The following CCDC93 variants were observed in gnomAD, a reference collection of about 807,000 sequenced individuals.
CCDC93 encodes the protein CCC complex scaffolding subunit CCDC93.
CCDC93 carries 61 observed loss-of-function variants against 108.2 expected under a neutral mutation model. The ratio of observed to expected loss-of-function variants is 0.56; its 90% CI spans 0.46 to 0.70. The LOEUF (loss-of-function observed/expected upper bound fraction) is 0.70, where lower values mean the gene tolerates loss of function less well. Ranked by LOEUF, CCDC93 falls within the 30% of genes least tolerant of loss-of-function variation. The pLI, the probability that CCDC93 is intolerant of heterozygous loss-of-function variation, is 0.00. For synonymous variants in CCDC93, 276 were observed against 260.4 expected (o/e 1.06, Z -0.58); for missense variants, 685 against 764.2 (o/e 0.90, Z 1.22).
At chr2:117,970,072 C>G (rs769134909) in intron 11 of CCDC93, among the ~76,000 whole-genome samples, 3 of 152,182 alleles carry the variant, frequency 2.0e-5, no homozygotes, top group African/African-American at 7.2e-5. Flanking sequence ...ATTGAACAAA[C>G]TAGGTCTTTG....
At position 117,956,700 on chromosome 2, in the gene CCDC93, T is replaced by C. The variant is rs1231821623; in HGVS notation, c.1005+1665A>G. On this transcript the variant is annotated intron_variant, in intron 12 of 23. Coordinates refer to ENST00000376300, the MANE Select transcript of CCDC93 (RefSeq NM_019044.5). ...TGAACAGAAACCAAATCATAGGCTA[T>C]CTTTTCATCCTTCTTTGATCCAGAG... 3.3e-5 allele frequency among the ~76,000 whole-genome samples: 5 copies of C among 152,180 alleles called. No homozygotes were observed. In the East Asian group the frequency reaches 9.6e-4, roughly 29 times the overall value.
intron 23 of CCDC93, among the ~76,000 whole-genome samples, chr2:117,922,008 C>T (rs1347023938): frequency 6.6e-6 from 1 of 151,802 alleles, no homozygotes. Context: ...AAAAAAGACT[C>T]CAGCTTAAAA....
chr2:117,992,496 G>A (rs1158190798), intron 6 of CCDC93, among the ~76,000 whole-genome samples: 3 of 151,988 alleles, frequency 2.0e-5, no homozygotes, highest in African/African-American at 7.3e-5. Flanking sequence ...TGCCCACCTC[G>A]GCCTCCCAAA....
At position 117,945,528 on chromosome 2, in the gene CCDC93, C is replaced by G; in HGVS notation, c.1350+1G>C. 1.2e-6 allele frequency: 2 copies of G among 1,613,544 alleles called. No individual in the cohort carries two copies. Among genetic ancestry groups the G allele is most frequent in the Non-Finnish European group, 1.7e-6 (2 of 1,179,520 alleles). ...CCAGTCCTGAGCAGGCAGGTACTTA[C>G]GTCATGAGTCATTGCAGAGGTCAAG... On this transcript the variant is annotated splice_donor_variant, in intron 17 of 23. Coordinates refer to ENST00000376300, the MANE Select transcript of CCDC93 (RefSeq NM_019044.5). LOFTEE classifies it high-confidence loss of function.
At chr2:118,008,019 T>C (rs1337562155) in intron 2 of CCDC93, among the ~76,000 whole-genome samples, 3 of 152,212 alleles carry the variant, frequency 2.0e-5, no homozygotes, top group African/African-American at 7.2e-5. Context: ...TCTACAGAAA[T>C]TGGGCTCTTT....
intron 6 of CCDC93, among the ~76,000 whole-genome samples, chr2:117,989,603 G>A (rs1212271481): frequency 6.6e-6 from 1 of 152,164 alleles, no homozygotes; most frequent in Admixed American, 6.6e-5. Context: ...AATACATGGA[G>A]TCAAACAAGC....
chr2:117,979,420 C>T lies in CCDC93; in HGVS notation c.621-1390G>A, dbSNP rs547493943. Among the ~76,000 whole-genome samples, 9 of 152,330 alleles carry T rather than the reference C, an allele frequency of 5.9e-5. No homozygotes were observed. The South Asian group carries it at 1.9e-3, about 32-fold the overall frequency. ...GTGAAGCATCCCCCATGCACATGTG[C>T]TCAGCCTGGCCTATCCATCCCTGCA... On this transcript the variant is annotated intron_variant, in intron 7 of 23. Transcript: ENST00000376300.
At chr2:117,996,801 C>T (rs976176634) in intron 4 of CCDC93, 5 of 156,190 alleles carry the variant, frequency 3.2e-5, no homozygotes, top group Middle Eastern at 3.1e-3. Flanking sequence ...GTGCTCCTTA[C>T]ACGACAGACC....
In CCDC93 at chr2:117,939,161, C is replaced by T. The variant is rs1043112343; in HGVS notation, c.1523-50G>A. 5 of 1,070,704 alleles carry T rather than the reference C, an allele frequency of 4.7e-6. No individual in the cohort carries two copies. In the African/African-American group the frequency reaches 6.3e-5, roughly 13 times the overall value. 66.3% of individuals were successfully genotyped at this position (1,070,704 alleles called of 1,614,324 possible). A position where few individuals can be genotyped will look rare whatever the true frequency, so the allele number is the denominator to read the frequency against. ...ACGAATAAGAACAGGTATCAGAACACCCTACCTGCCCCTCTCCTCCATGAA... is the reference window on the plus strand; with the variant it reads ...ACGAATAAGAACAGGTATCAGAACATCCTACCTGCCCCTCTCCTCCATGAA... On this transcript the variant is annotated intron_variant, in intron 19 of 23. Transcript: ENST00000376300.
At chr2:117,950,310 G>GT (rs2104743227) in intron 13 of CCDC93, 1 of 985,098 alleles carries the variant, frequency 1.0e-6, no homozygotes, top group African/African-American at 1.7e-5. Context: ...TAGTTACAGA[G>GT]CAAGCAAAAC....
rs763811529 is a variant in CCDC93 at position 117,947,693 on chromosome 2, CTTTT to C, written c.1224+408_1224+411del. On this transcript the variant is annotated intron_variant, in intron 15 of 23. Transcript: ENST00000376300. ...GACAAATAACTGCTGGATGAATCTGCTTTTTTTTTTTTTTTTTTGAGATGGAGTC... is the reference window on the plus strand; with the variant it reads ...GACAAATAACTGCTGGATGAATCTGCTTTTTTTTTTTTTTGAGATGGAGTC... 9.0e-5 allele frequency among the ~76,000 whole-genome samples: 11 copies of C among 121,962 alleles called. No individual in the cohort carries two copies. In the South Asian group the frequency reaches 2.5e-3, roughly 27 times the overall value. The allele number at this position is 121,962 out of a possible 152,430, so 80.0% of individuals were successfully genotyped here.
intron 6 of CCDC93, among the ~76,000 whole-genome samples, chr2:117,993,163 G>T (rs555172098): frequency 6.6e-6 from 1 of 152,142 alleles, no homozygotes; most frequent in Non-Finnish European, 1.5e-5. Flanking sequence ...TTGGGAGGCC[G>T]AGGTGGGCGG....
intron 6 of CCDC93, among the ~76,000 whole-genome samples, chr2:117,993,237 A>T (rs1450524262): frequency 1.3e-5 from 2 of 152,022 alleles, no homozygotes; most frequent in South Asian, 4.2e-4. Flanking sequence ...TCTACTAAAA[A>T]AACAAAAAGT....
At position 117,939,047 on chromosome 2, in the gene CCDC93, C is replaced by T; in HGVS notation, c.1587G>A (p.Lys529=). 2.5e-6 allele frequency: 4 copies of T among 1,594,882 alleles called. No homozygotes were observed. Among genetic ancestry groups the T allele is most frequent in the Non-Finnish European group, 3.4e-6 (4 of 1,163,628 alleles). ...TTCTTACCTCTTTTTCCAAATAAAC[C>T]TTTTTATCATCCAGGGTATTATATA... The part of the protein sequence containing the change: ...FTLYNTLDDK[K]VYLEKEISLL... The change falls in exon 20 of 24, where the codon AAG becomes AAA. Residue 529 remains lysine (K), a synonymous_variant. Coordinates refer to ENST00000376300, the MANE Select transcript of CCDC93 (RefSeq NM_019044.5).
intron 5 of CCDC93, 115 bp downstream of exon 5, chr2:117,996,149 C>G (rs992470213): frequency 2.8e-5 from 17 of 603,448 alleles, no homozygotes; most frequent in African/African-American, 2.6e-4. Flanking sequence ...CTAATGATGC[C>G]AAGTGGGGCT....
intron 23 of CCDC93, among the ~76,000 whole-genome samples, chr2:117,924,732 C>T (rs1422053071): frequency 3.3e-5 from 5 of 152,168 alleles, no homozygotes; most frequent in Admixed American, 2.6e-4. Flanking sequence ...AGAACTTCCT[C>T]AATCTAGCAA....
At chr2:117,974,791 C>G in intron 10 of CCDC93, 59 bp downstream of exon 10, 1 of 1,329,260 alleles carries the variant, frequency 7.5e-7, no homozygotes, top group Non-Finnish European at 1.1e-6. Flanking sequence ...GGGAGAAGAC[C>G]CCAGCAGAGC....
At chr2:117,963,489 T>C (rs1679458603) in intron 11 of CCDC93, among the ~76,000 whole-genome samples, 1 of 152,216 alleles carries the variant, frequency 6.6e-6, no homozygotes, top group Non-Finnish European at 1.5e-5. Context: ...AATCATCCAC[T>C]TTCCCTGATC....
At position 117,920,237 on chromosome 2, in the gene CCDC93, C is replaced by T. The variant is rs17569222; in HGVS notation, c.*106G>A. 45,086 of 696,260 alleles carry T rather than the reference C, an allele frequency of 0.065. 1,802 individuals carry two copies. Among genetic ancestry groups the T allele is most frequent in the Non-Finnish European group, 0.081 (32,718 of 405,238 alleles). 43.1% of individuals were successfully genotyped at this position (696,260 alleles called of 1,614,324 possible). On this transcript the variant is annotated 3_prime_UTR_variant, in exon 24 of 24. Coordinates refer to ENST00000376300, the MANE Select transcript of CCDC93 (RefSeq NM_019044.5). ...AACATCCAGGTTGTTGAAATCATCA[C>T]AACTGCATCTCTCTACTGTCGCTTT...
Sources: gnomAD v4.1 joint callset for allele counts (sites outside exome capture counted in the v4.1 genomes callset) on GRCh38, gnomAD v4.1.1 for gene constraint, MANE v1.5 for transcripts, NCBI Gene and HGNC (gene_info 2026-07-23, HGNC 2026-07-21) for gene names.